GCNT1: variants seen among roughly 807,000 people sequenced by gnomAD.
The protein encoded by GCNT1 is glucosaminyl (N-acetyl) transferase 1.
A neutral mutation model predicts 26.2 loss-of-function variants in GCNT1; 16 were observed. The ratio of observed to expected loss-of-function variants is 0.61; its 90% confidence interval spans 0.41 to 0.93. GCNT1 has a LOEUF of 0.93. GCNT1 is among the 40% of genes least tolerant of loss of function. The pLI is 0.00. For synonymous variants in GCNT1, 183 were observed against 190.8 expected, an observed-to-expected ratio of 0.96 and a Z score of 0.34; for missense variants, 477 against 526.7, an observed-to-expected ratio of 0.91 and a Z score of 0.92.
rs1564228132 is a variant in GCNT1 at position 76,451,914 on chromosome 9, T to C, written c.-290+9599T>C. On this transcript the variant is annotated intron_variant, in intron 1 of 2. Coordinates refer to the GCNT1 transcript ENST00000442371. ...GACTTTTTTATAGCCATACACTTCC[T>C]TATAGTACAACTTTTCTTTTCTTTT... Among the ~76,000 whole-genome samples the C allele has an allele frequency of 4.6e-5, 7 of 152,072 alleles. No homozygotes were observed. In the South Asian group the frequency reaches 1.5e-3, roughly 32 times the overall value.
At chr9:76,499,560 C>T (rs943745819) in intron 2 of GCNT1, among the ~76,000 whole-genome samples, 16 of 152,206 alleles carry the variant, frequency 1.1e-4, no homozygotes, top group Non-Finnish European at 2.1e-4. Context: ...ATCCTTTGTC[C>T]TTGTCTTTCA....
At chr9:76,500,668 C>A (rs1825039700) in intron 2 of GCNT1, among the ~76,000 whole-genome samples, 1 of 152,114 alleles carries the variant, frequency 6.6e-6, no homozygotes, top group Admixed American at 6.5e-5. Flanking sequence ...GGAAATGCTG[C>A]TAGAGTTTTC....
chr9:76,456,027 T>A (rs949652339), upstream of GCNT1, among the ~76,000 whole-genome samples: 5 of 152,222 alleles, frequency 3.3e-5, no homozygotes, highest in South Asian at 4.1e-4. Context: ...ACATCTATAA[T>A]ATTAGGAGAG....
At chr9:76,394,835 T>A in the GCNT1 span, among the ~76,000 whole-genome samples, 1 of 152,210 alleles carries the variant, frequency 6.6e-6, no homozygotes, top group Admixed American at 6.5e-5. Flanking sequence ...CAGGCATCGC[T>A]CGTTCCGTTC....
At position 76,433,373 on chromosome 9, in the gene GCNT1, C is replaced by T. The variant is rs188742120; in HGVS notation, n.38+13486C>T. ...TCATCAGGCTGTGGAGGAACTAAAA[C>T]AGCTGTTAGCACACTGTAACACCCC... On this transcript the variant is annotated intron_variant and non_coding_transcript_variant, in intron 1 of 3. Coordinates refer to the GCNT1 transcript ENST00000488136. Among the ~76,000 whole-genome samples, 37 of 152,348 alleles carry T rather than the reference C, an allele frequency of 2.4e-4. 1 individual carries two copies. The highest frequency in any genetic ancestry group is 8.4e-4 in the African/African-American group (35 of 41,590).
chr9:76,419,016 AG>A (rs1030103113), upstream of GCNT1, among the ~76,000 whole-genome samples: 12 of 152,158 alleles, frequency 7.9e-5, no homozygotes, highest in Admixed American at 6.5e-4. Flanking sequence ...TGGAGGCTGG[AG>A]GGGGGTGTCA....
chr9:76,394,661 C>T, the GCNT1 span: 1 of 154,378 alleles, frequency 6.5e-6, no homozygotes, highest in African/African-American at 2.4e-5. Context: ...GTTTCAGCCC[C>T]TGGCGATGGG....
chr9:76,421,466 T>A (rs953911702), intron 1 of GCNT1, among the ~76,000 whole-genome samples: 1 of 151,462 alleles, frequency 6.6e-6, no homozygotes, highest in Admixed American at 6.6e-5. Context: ...TAGCTGACCA[T>A]GGTGGTGTGT....
intron 1 of GCNT1, among the ~76,000 whole-genome samples, chr9:76,425,143 A>G (rs1345870519): frequency 6.6e-6 from 1 of 150,500 alleles, no homozygotes; most frequent in Admixed American, 6.6e-5. Context: ...CGTCTAAAAA[A>G]AAAAAAAAAA....
upstream of GCNT1, among the ~76,000 whole-genome samples, chr9:76,416,484 G>A (rs769344789): frequency 4.6e-5 from 7 of 152,194 alleles, no homozygotes; most frequent in Non-Finnish European, 1.0e-4. Context: ...TGCTAAAAGA[G>A]CATTAATTGT....
intron 1 of GCNT1, among the ~76,000 whole-genome samples, chr9:76,425,937 C>A (rs988885863): frequency 3.9e-5 from 6 of 152,060 alleles, no homozygotes; most frequent in African/African-American, 1.4e-4. Flanking sequence ...GCAGGGCCTG[C>A]AAAATATCTC....
chr9:76,502,172 T>TCTCTCC, intron 3 of GCNT1, 67 bp from the exon 4 acceptor site: 1 of 114,384 alleles, frequency 8.7e-6, no homozygotes, highest in Non-Finnish European at 1.5e-5. Flanking sequence ...TCTCTCTCTC[T>TCTCTCC]CTCTCTGTAT....
At chr9:76,438,212 T>C (rs1244123191), upstream of GCNT1, among the ~76,000 whole-genome samples, 1 of 152,216 alleles carries the variant, frequency 6.6e-6, no homozygotes, top group African/African-American at 2.4e-5. Context: ...ACATAATGCA[T>C]CAATCAATAC....
At chr9:76,432,643 G>C (rs4745548) in intron 1 of GCNT1, among the ~76,000 whole-genome samples, 103,555 of 152,094 alleles carry the variant, frequency 0.68, 35,648 homozygotes, top group Middle Eastern at 0.75. Flanking sequence ...CCCATCCTTA[G>C]TTTAATATTG....
chr9:76,414,379 G>A, the GCNT1 span, among the ~76,000 whole-genome samples: 4 of 152,190 alleles, frequency 2.6e-5, no homozygotes, highest in African/African-American at 9.6e-5. Flanking sequence ...CCAGAAAGCA[G>A]TCCCAGTCCA....
At chr9:76,413,426 A>G in the GCNT1 span, among the ~76,000 whole-genome samples, 1 of 152,324 alleles carries the variant, frequency 6.6e-6, no homozygotes, top group East Asian at 1.9e-4. Context: ...GTGAGAGAGG[A>G]CAGGAGTTTA....
chr9:76,432,221 A>G (rs1030259557), intron 1 of GCNT1, among the ~76,000 whole-genome samples: 1 of 152,258 alleles, frequency 6.6e-6, no homozygotes, highest in African/African-American at 2.4e-5. Context: ...TACATTTAGT[A>G]TATTACATAA....
chr9:76,403,882 A>G, the GCNT1 span, among the ~76,000 whole-genome samples: 1 of 152,250 alleles, frequency 6.6e-6, no homozygotes, highest in South Asian at 2.1e-4. Flanking sequence ...GTTTTTAATT[A>G]TACATTTGGT....
chr9:76,446,595 A>G (rs550749581), intron 1 of GCNT1, among the ~76,000 whole-genome samples: 2 of 152,296 alleles, frequency 1.3e-5, no homozygotes, highest in South Asian at 4.1e-4. Context: ...CATATGTTTT[A>G]TATATGTGTG....
Sources: allele counts gnomAD v4.1 joint callset (sites outside exome capture counted in the v4.1 genomes callset), GRCh38; gene constraint gnomAD v4.1.1; transcripts MANE v1.5; gene names NCBI Gene and HGNC (gene_info 2026-07-23, HGNC 2026-07-21).